The following DNHD1 variants were observed in gnomAD, a reference collection of about 807,000 sequenced individuals.
DNHD1 encodes dynein heavy chain domain 1.
Under a neutral mutation model 458.1 loss-of-function variants are expected in DNHD1, and 383 were observed. The ratio of observed to expected loss-of-function variants is 0.84; its 90% CI spans 0.77 to 0.91. The LOEUF (loss-of-function observed/expected upper bound fraction) is 0.91, where lower values mean the gene tolerates loss of function less well. DNHD1 is among the 40% of genes least tolerant of loss of function. DNHD1 has a pLI of 0.00. For synonymous variants in DNHD1, 2,203 were observed against 2,376.9 expected, an observed-to-expected ratio of 0.93 and a Z score of 2.13; for missense variants, 5,336 against 5,866.1, an observed-to-expected ratio of 0.91 and a Z score of 2.95.
At chr11:6,551,912 A>T (rs967522349) in intron 24 of DNHD1, among the ~76,000 whole-genome samples, 3 of 135,112 alleles carry the variant, frequency 2.2e-5, no homozygotes, top group African/African-American at 9.2e-5. Context: ...ACTGCACTCC[A>T]GCCTGGTGAC....
At chr11:6,518,943 G>C (rs1852546719) in intron 7 of DNHD1, among the ~76,000 whole-genome samples, 1 of 152,150 alleles carries the variant, frequency 6.6e-6, no homozygotes, top group Non-Finnish European at 1.5e-5. Context: ...GGAAAGCAGG[G>C]AAGACAAAGG....
Position 6,567,323 on chromosome 11 carries a change from C to G in DNHD1, c.11814C>G (p.Gly3938=), listed in dbSNP as rs56313830. ...AAGTACCCTTGGTGGGTGCATTGGG[C>G]GCTTTGGCTCTGCTGCAAGCAACAG... ...LTQVPLVGAL[G]ALALLQATGK... The change falls in exon 36 of 43, where the codon GGC becomes GGG. Residue 3938 remains glycine, a synonymous_variant. Coordinates refer to ENST00000254579, the MANE Select transcript of DNHD1 (RefSeq NM_144666.3). 9 of 1,613,950 alleles carry G rather than the reference C, an allele frequency of 5.6e-6. No individual in the cohort carries two copies. The East Asian group carries it at 2.0e-4, about 36-fold the overall frequency.
At chr11:6,538,928 T>A in intron 16 of DNHD1, 118 bp downstream of exon 16, 1 of 1,111,880 alleles carries the variant, frequency 9.0e-7, no homozygotes, top group Non-Finnish European at 1.3e-6. Flanking sequence ...AGTTTCTCCC[T>A]ACCTTTCCCA....
At chr11:6,558,365 G>T in intron 25 of DNHD1, 68 bp downstream of exon 25, 1 of 1,532,372 alleles carries the variant, frequency 6.5e-7, no homozygotes, top group South Asian at 1.2e-5. Flanking sequence ...AGGCCAAAAG[G>T]AATTCTGTGG....
chr11:6,554,149 T>C (rs952315599), intron 24 of DNHD1, among the ~76,000 whole-genome samples: 1 of 152,290 alleles, frequency 6.6e-6, no homozygotes, highest in South Asian at 2.1e-4. Flanking sequence ...TATGGACTAA[T>C]GGAATAGAAC....
intron 3 of DNHD1, among the ~76,000 whole-genome samples, chr11:6,499,965 A>T (rs1589863008): frequency 1.4e-5 from 2 of 142,592 alleles, no homozygotes; most frequent in South Asian, 2.2e-4. Flanking sequence ...CTAACTTTCG[A>T]TTTTTTTTTT....
At chr11:6,499,117 T>A (rs531971541) in intron 3 of DNHD1, among the ~76,000 whole-genome samples, 156 bp downstream of exon 3, 1 of 152,328 alleles carries the variant, frequency 6.6e-6, no homozygotes, top group Non-Finnish European at 1.5e-5. Context: ...TACTTTCCTC[T>A]TCCTTTTTCT....
intron 12 of DNHD1, among the ~76,000 whole-genome samples, chr11:6,530,174 T>C (rs1320974276): frequency 6.6e-6 from 1 of 152,204 alleles, no homozygotes; most frequent in Non-Finnish European, 1.5e-5. Context: ...TAAAAGGTGG[T>C]CTTTCCCAAA....
chr11:6,542,360 A>G (rs1853112929), intron 18 of DNHD1, among the ~76,000 whole-genome samples: 1 of 152,262 alleles, frequency 6.6e-6, no homozygotes, highest in African/African-American at 2.4e-5. Flanking sequence ...AATTCGTAAT[A>G]CAAAGTAAAG....
At chr11:6,531,640 T>G (rs540032147) in intron 12 of DNHD1, among the ~76,000 whole-genome samples, 1 of 152,304 alleles carries the variant, frequency 6.6e-6, no homozygotes, top group South Asian at 2.1e-4. Flanking sequence ...CATGTTCTGT[T>G]TGATATAGGT....
At position 6,505,664 on chromosome 11, in the gene DNHD1, G is replaced by A. The variant is rs2134369955; in HGVS notation, c.920+2738G>A. Among the ~76,000 whole-genome samples, 1 of 152,324 alleles carries A rather than the reference G, an allele frequency of 6.6e-6. No homozygotes were observed. Among genetic ancestry groups the A allele is most frequent in the South Asian group, 2.1e-4 (1 of 4,828 alleles). On this transcript the variant is annotated intron_variant, in intron 4 of 42. Transcript: ENST00000254579. The surrounding 1 kb of genome is among the most constrained non-coding windows in gnomAD (Gnocchi z 4.4). ...TGACTAACACGGTACTTGGTATTAT[G>A]AGTGGTCCCAGGAAACTAGCCTCTA...
Position 6,548,214 on chromosome 11 carries a change from T to C in DNHD1, c.6910T>C (p.Trp2304Arg). The change falls in exon 23 of 43, where the codon TGG becomes CGG. Residue 2304 changes from tryptophan to arginine, a missense_variant. Trp to Arg is a moderately radical substitution (Grantham distance 101). Coordinates refer to ENST00000254579, the MANE Select transcript of DNHD1 (RefSeq NM_144666.3). This position sits in a 1 kb window ranked among gnomAD's most constrained non-coding sequence, Gnocchi z 4.4. ...GFGAHLPSRF[W>R]PIFDTFIRDS... ...CCTGTGTGTCCATCTGAGCAGGTTC[T>C]GGCCCATCTTTGATACCTTCATAAG... The C allele has an allele frequency of 6.4e-7, 1 of 1,551,680 alleles. No individual in the cohort carries two copies. Among genetic ancestry groups the C allele is most frequent in the Non-Finnish European group, 8.7e-7 (1 of 1,146,950 alleles).
chr11:6,552,497 C>G (rs1853378594), intron 24 of DNHD1, among the ~76,000 whole-genome samples: 1 of 152,074 alleles, frequency 6.6e-6, no homozygotes, highest in Admixed American at 6.6e-5. Context: ...GCACTCCAGC[C>G]TGGGTGACAA....
In DNHD1 at chr11:6,557,823, A is replaced by G; in HGVS notation, c.8528A>G (p.Glu2843Gly). Residue 2843 changes from glutamate (E) to glycine (G), a missense_variant, in exon 25 of 43, where the codon GAG becomes GGG. Glu to Gly is a moderately conservative substitution (Grantham distance 98). Coordinates refer to ENST00000254579, the MANE Select transcript of DNHD1 (RefSeq NM_144666.3). ...AACTTGTACCTGGAACGACAGTGGG[A>G]GAAGCTAGAGGAGCAGTTGGCCACC... ...TPNLYLERQW[E>G]KLEEQLATSA... 6.4e-7 allele frequency: 1 copy of G among 1,551,338 alleles called. No individual in the cohort carries two copies. The highest frequency in any genetic ancestry group is 8.7e-7 in the Non-Finnish European group (1 of 1,146,978).
chr11:6,540,055 C>T lies in DNHD1; in HGVS notation c.3600C>T (p.Asp1200=). The T allele has an allele frequency of 6.4e-7, 1 of 1,551,726 alleles. No homozygotes were observed. The highest frequency in any genetic ancestry group is 2.4e-5 in the East Asian group (1 of 40,924). Residue 1200 remains aspartate (D), a synonymous_variant, in exon 18 of 43, where the codon GAC becomes GAT. Coordinates refer to ENST00000254579, the MANE Select transcript of DNHD1 (RefSeq NM_144666.3). Reference sequence around the variant, plus strand: ...GCAGCCCCCAATGGGAGGTAGTGGACAAAGATAGTGGCACCTTCATCCTCT... The same window carrying T: ...GCAGCCCCCAATGGGAGGTAGTGGATAAAGATAGTGGCACCTTCATCCTCT... ...VLRSPQWEVV[D]KDSGTFILSD... is the part of the protein sequence containing the mutation.
At chr11:6,509,711 C>G (rs2090300846) in intron 6 of DNHD1, among the ~76,000 whole-genome samples, 1 of 151,514 alleles carries the variant, frequency 6.6e-6, no homozygotes, top group Admixed American at 6.6e-5. Flanking sequence ...TTCTATTTTT[C>G]TTTTTTTTGG....
At position 6,566,597 on chromosome 11, in the gene DNHD1, T is replaced by C. The variant is rs1307730077; in HGVS notation, c.11217T>C (p.Cys3739=). 1.2e-6 allele frequency: 2 copies of C among 1,613,636 alleles called. No homozygotes were observed. The highest frequency in any genetic ancestry group is 4.5e-5 in the East Asian group (2 of 44,892). Residue 3739 remains cysteine, a synonymous_variant, in exon 35 of 43, where the codon TGT becomes TGC. Coordinates refer to ENST00000254579, the MANE Select transcript of DNHD1 (RefSeq NM_144666.3). Reference sequence around the variant, plus strand: ...CCATGTTACCCCAAGTGCTAGGTTGTGAACTGCTAAAGGGGCTGAATGTGT... The same window carrying C: ...CCATGTTACCCCAAGTGCTAGGTTGCGAACTGCTAAAGGGGCTGAATGTGT... The part of the protein sequence containing the change: ...SLCAMEKVLG[C]ELLKGLNVLD...
chr11:6,533,021 C>T lies in DNHD1; in HGVS notation c.2348-6C>T. 1 of 1,551,356 alleles carries T rather than the reference C, an allele frequency of 6.4e-7. No homozygotes were observed. The highest frequency in any genetic ancestry group is 8.7e-7 in the Non-Finnish European group (1 of 1,146,820). On this transcript the variant is annotated splice_region_variant and splice_polypyrimidine_tract_variant and intron_variant, in intron 12 of 42. Transcript: ENST00000254579. ...GTCCCCTCACACCTTACTCTCCTGTCTCCAGAATCCAAGCTGAACAGCATA... is the reference window on the plus strand; with the variant it reads ...GTCCCCTCACACCTTACTCTCCTGTTTCCAGAATCCAAGCTGAACAGCATA...
intron 4 of DNHD1, among the ~76,000 whole-genome samples, chr11:6,506,098 A>T (rs887899903): frequency 1.3e-5 from 2 of 152,162 alleles, no homozygotes; most frequent in African/African-American, 4.8e-5. Flanking sequence ...AAAGAAGGAA[A>T]CCCATTGCAG....
Sources: gnomAD v4.1 joint callset for allele counts (sites outside exome capture counted in the v4.1 genomes callset) on GRCh38, gnomAD v4.1.1 for gene constraint, Gnocchi (gnomAD v3.1) non-coding constraint, MANE v1.5 for transcripts, NCBI Gene and HGNC (gene_info 2026-07-23, HGNC 2026-07-21) for gene names.